The following DDX19B variants were observed in gnomAD, a reference collection of about 807,000 sequenced individuals.
DDX19B encodes the protein DEAD-box helicase 19B, also known as ATP-dependent RNA helicase DDX19B.
Under a neutral mutation model 58.1 loss-of-function variants are expected in DDX19B, and 27 were observed. The observed-to-expected ratio is 0.46, with a 90% CI of 0.34 to 0.64. DDX19B has a LOEUF of 0.64. Ranked by LOEUF, DDX19B falls within the 30% of genes least tolerant of loss-of-function variation. DDX19B has a pLI of 0.01. For synonymous variants in DDX19B, 187 were observed against 214.4 expected (o/e 0.87, Z 1.12); for missense variants, 399 against 596.5 (o/e 0.67, Z 3.45).
chr16:70,316,042 A>G lies in DDX19B; in HGVS notation c.234A>G (p.Glu78=). The G allele has an allele frequency of 6.2e-7, 1 of 1,614,126 alleles. No individual in the cohort carries two copies. The highest frequency in any genetic ancestry group is 1.1e-5 in the South Asian group (1 of 91,082). Residue 78 remains glutamate (E), a synonymous_variant, in exon 4 of 12, where the codon GAA becomes GAG. Transcript: ENST00000288071. ...TTGTTGATAACACAAACCAAGTGGA[A>G]GTCCTGCAGCGGGATCCAAACTCCC... The part of the protein sequence containing the change: ...SNLVDNTNQV[E]VLQRDPNSPL...
chr16:70,324,967 T>A (rs923939687), intron 6 of DDX19B, among the ~76,000 whole-genome samples: 1 of 152,124 alleles, frequency 6.6e-6, no homozygotes, highest in Non-Finnish European at 1.5e-5. Context: ...AAGAGAATCA[T>A]TTGAACCCGG....
upstream of DDX19B, among the ~76,000 whole-genome samples, chr16:70,291,332 A>G (rs777250661): frequency 6.6e-6 from 1 of 152,200 alleles, no homozygotes; most frequent in Non-Finnish European, 1.5e-5. Flanking sequence ...TATTTAGCTT[A>G]AACAATCTGG....
intron 4 of DDX19B, among the ~76,000 whole-genome samples, chr16:70,316,308 C>T (rs1962405637): frequency 6.6e-6 from 1 of 151,728 alleles, no homozygotes; most frequent in East Asian, 1.9e-4. Context: ...CTCCTGGGTT[C>T]GAGTGATTCT....
At position 70,333,578 on chromosome 16, in the gene DDX19B, A is replaced by T. The variant is rs1963596454; in HGVS notation, c.1436A>T (p.Asn479Ile). 4 of 1,614,010 alleles carry T rather than the reference A, an allele frequency of 2.5e-6. No homozygotes were observed. Among genetic ancestry groups the T allele is most frequent in the Non-Finnish European group, 3.4e-6 (4 of 1,179,872 alleles). ...DDLDEIEKIA[N>I] is the part of the protein sequence containing the mutation. ...TTGGACGAGATTGAGAAAATAGCCA[A>T]CTGAGAAGCTCCACCAGCCACTGAT... Residue 479 changes from asparagine to isoleucine, a missense_variant, in exon 12 of 12, where the codon AAC (asparagine) becomes ATC (isoleucine). Asn to Ile is a moderately radical substitution (Grantham distance 149). Around this residue, in one of 4 missense-constraint regions of DDX19B, gnomAD observed 198 missense variants for 345.9 expected, o/e 0.57. Transcript: ENST00000288071.
At chr16:70,290,944 C>T (rs979509757), upstream of DDX19B, among the ~76,000 whole-genome samples, 6 of 152,194 alleles carry the variant, frequency 3.9e-5, no homozygotes, top group South Asian at 6.2e-4. Flanking sequence ...TCCAAATACA[C>T]GGGTAATAAA....
At chr16:70,299,148 T>G (rs1961340932), upstream of DDX19B, 1 of 1,360,082 alleles carries the variant, frequency 7.4e-7, no homozygotes. Flanking sequence ...CAAACAGGAG[T>G]GGCCTCCGAC....
In DDX19B at chr16:70,324,680, A is replaced by AC. The variant is rs1430495201; in HGVS notation, c.490dup (p.Gln164ProfsTer10). 2.5e-6 allele frequency: 4 copies of AC among 1,611,422 alleles called. No individual in the cohort carries two copies. Among genetic ancestry groups the AC allele is most frequent in the Non-Finnish European group, 3.4e-6 (4 of 1,179,418 alleles). On this transcript the variant is annotated frameshift_variant, in exon 6 of 12. Coordinates refer to ENST00000288071, the MANE Select transcript of DDX19B (RefSeq NM_007242.7). LOFTEE classifies it high-confidence loss of function. ...AGCCAAGTAGAACCTGCAAACAAATACCCCCAGGTAAGGATTTATGAATTT... is the reference window on the plus strand; with the variant it reads ...AGCCAAGTAGAACCTGCAAACAAATACCCCCCAGGTAAGGATTTATGAATTT...
At chr16:70,321,446 A>G (rs1412755087) in intron 5 of DDX19B, among the ~76,000 whole-genome samples, 1 of 152,188 alleles carries the variant, frequency 6.6e-6, no homozygotes, top group African/African-American at 2.4e-5. Flanking sequence ...GATTGACAGT[A>G]TTAGAAGAGA....
upstream of DDX19B, chr16:70,294,799 T>C: frequency 5.0e-6 from 7 of 1,409,004 alleles, no homozygotes; most frequent in Non-Finnish European, 6.5e-6. Context: ...GCTTGGCCAG[T>C]GCCAAGAGCA....
At chr16:70,299,983 C>T (rs1961400417) in intron 1 of DDX19B, among the ~76,000 whole-genome samples, 2 of 152,084 alleles carry the variant, frequency 1.3e-5, no homozygotes, top group South Asian at 4.1e-4. Flanking sequence ...ATGTGTTAAA[C>T]ACTACTGCGT....
intron 10 of DDX19B, 47 bp from the exon 11 acceptor site, chr16:70,332,921 T>G: frequency 6.2e-7 from 1 of 1,614,176 alleles, no homozygotes; most frequent in Non-Finnish European, 8.5e-7. Flanking sequence ...ATGACTGATT[T>G]GCCTCCTGTC....
intron 9 of DDX19B, among the ~76,000 whole-genome samples, chr16:70,331,210 AATTTTT>A (rs1403989596): frequency 3.3e-5 from 5 of 152,140 alleles, no homozygotes; most frequent in African/African-American, 9.6e-5. Context: ...ATGTCAGCCT[AATTTTT>A]ATTTTTATTT....
rs901584662 is a variant in DDX19B at position 70,316,273 on chromosome 16, G to A, written c.296+169G>A. The A allele has an allele frequency of 1.0e-4, 93 of 900,308 alleles. No homozygotes were observed. In the African/African-American group the frequency reaches 1.1e-3, roughly 11 times the overall value. 55.8% of individuals were successfully genotyped at this position (900,308 alleles called of 1,614,324 possible). A position where few individuals can be genotyped will look rare whatever the true frequency, so the allele number is the denominator to read the frequency against. On this transcript the variant is annotated intron_variant, in intron 4 of 11. Coordinates refer to ENST00000288071, the MANE Select transcript of DDX19B (RefSeq NM_007242.7). ...TGCCCAGGCTGGAGTGCAGTAGCGCGATCTCGGCTCACTGCAACCTCCGCC... is the reference window on the plus strand; with the variant it reads ...TGCCCAGGCTGGAGTGCAGTAGCGCAATCTCGGCTCACTGCAACCTCCGCC...
At chr16:70,316,513 C>T (rs1451925299) in intron 4 of DDX19B, among the ~76,000 whole-genome samples, 1 of 152,060 alleles carries the variant, frequency 6.6e-6, no homozygotes, top group African/African-American at 2.4e-5. Context: ...CAGCTGCTAA[C>T]CAAGTTTTAT....
intron 2 of DDX19B, among the ~76,000 whole-genome samples, chr16:70,314,187 T>C (rs1319040430): frequency 1.3e-5 from 2 of 152,200 alleles, no homozygotes; most frequent in Non-Finnish European, 2.9e-5. Flanking sequence ...TGAATTTTAA[T>C]GGCATTATTG....
At chr16:70,318,334 A>T (rs933473752) in intron 5 of DDX19B, among the ~76,000 whole-genome samples, 11 of 151,932 alleles carry the variant, frequency 7.2e-5, no homozygotes, top group Non-Finnish European at 2.9e-5. Flanking sequence ...AGATCACACC[A>T]GTGCACTCCA....
At chr16:70,293,556 A>G (rs1255174584), upstream of DDX19B, among the ~76,000 whole-genome samples, 2 of 148,956 alleles carry the variant, frequency 1.3e-5, no homozygotes, top group African/African-American at 4.9e-5. Flanking sequence ...TGGGTTTACA[A>G]TGCTGGCTTA....
In DDX19B at chr16:70,323,258, C is replaced by T. The variant is rs1246477088; in HGVS notation, c.390-1327C>T. Reference sequence around the variant, plus strand: ...GGTAGCTGGGACTTCAGGTATGTACCACCATGTCCAGCTAATGTTTGTATC... The same window carrying T: ...GGTAGCTGGGACTTCAGGTATGTACTACCATGTCCAGCTAATGTTTGTATC... On this transcript the variant is annotated intron_variant, in intron 5 of 11. Transcript: ENST00000288071. Among the ~76,000 whole-genome samples, 3 of 151,932 alleles carry T rather than the reference C, an allele frequency of 2.0e-5. No individual in the cohort carries two copies. The East Asian group carries it at 5.8e-4, about 29-fold the overall frequency.
At chr16:70,312,692 G>T (rs369802000) in intron 2 of DDX19B, 35 bp downstream of exon 2, 50 of 1,571,042 alleles carry the variant, frequency 3.2e-5, no homozygotes, top group Non-Finnish European at 4.4e-5. Flanking sequence ...AAACAAATGT[G>T]ATTTCCTTCA....
Sources: gnomAD v4.1 joint callset for allele counts (sites outside exome capture counted in the v4.1 genomes callset) on GRCh38, gnomAD v4.1.1 for gene constraint, gnomAD v4.1.1 regional missense constraint, MANE v1.5 for transcripts, NCBI Gene and HGNC (gene_info 2026-07-23, HGNC 2026-07-21) for gene names.